The following IFNG-AS1 variants were observed in gnomAD, a reference collection of about 807,000 sequenced individuals.
IFNG-AS1 encodes the protein IFNG regulatory antisense RNA 1.
rs191695756 is a variant in IFNG-AS1 at position 68,018,185 on chromosome 12, C to T, written n.242-1677C>T. ...TGGATTCTTCCACCATAGAATTTAC[C>T]ACATGGGTTAGAGTTATTTATTTAT... On this transcript the variant is annotated intron_variant and non_coding_transcript_variant, in intron 3 of 5. Coordinates refer to ENST00000536914, the Ensembl canonical transcript of IFNG-AS1. Among the ~76,000 whole-genome samples the T allele has an allele frequency of 2.4e-3, 370 of 152,178 alleles. 2 individuals carry two copies. The highest frequency in any genetic ancestry group is 8.2e-3 in the Admixed American group (125 of 15,278).
chr12:68,019,503 G>A (rs956117483), intron 3 of IFNG-AS1, among the ~76,000 whole-genome samples: 2 of 152,122 alleles, frequency 1.3e-5, no homozygotes, highest in South Asian at 2.1e-4. Flanking sequence ...GGAGCACAGC[G>A]TCTGGCTTTC....
At chr12:68,016,028 T>C (rs1880149102) in intron 3 of IFNG-AS1, among the ~76,000 whole-genome samples, 2 of 152,154 alleles carry the variant, frequency 1.3e-5, no homozygotes, top group South Asian at 4.1e-4. Flanking sequence ...TAGTAAAAGT[T>C]CTTGAAAGAG....
At chr12:68,000,525 A>T (rs1879743511) in intron 2 of IFNG-AS1, among the ~76,000 whole-genome samples, 1 of 152,026 alleles carries the variant, frequency 6.6e-6, no homozygotes, top group African/African-American at 2.4e-5. Context: ...ATAAAAAACT[A>T]ACCAGGCATC....
At chr12:68,004,168 G>C (rs529730059) in intron 2 of IFNG-AS1, among the ~76,000 whole-genome samples, 1 of 152,092 alleles carries the variant, frequency 6.6e-6, no homozygotes, top group African/African-American at 2.4e-5. Flanking sequence ...CAGCTTCTCT[G>C]TTTTCTGTCA....
At chr12:67,995,401 C>T (rs1298717379) in intron 1 of IFNG-AS1, among the ~76,000 whole-genome samples, 2 of 110,354 alleles carry the variant, frequency 1.8e-5, no homozygotes, top group African/African-American at 7.1e-5. Context: ...AGCCTGGTGA[C>T]AGAGTGAGAC....
At chr12:68,017,130 A>C (rs950303342) in intron 3 of IFNG-AS1, among the ~76,000 whole-genome samples, 1 of 152,202 alleles carries the variant, frequency 6.6e-6, no homozygotes, top group Non-Finnish European at 1.5e-5. Flanking sequence ...AGTCTTTCAC[A>C]CAGAAGGAAC....
chr12:68,014,135 G>A (rs1266784577), intron 3 of IFNG-AS1, among the ~76,000 whole-genome samples: 1 of 152,118 alleles, frequency 6.6e-6, no homozygotes, highest in Non-Finnish European at 1.5e-5. Flanking sequence ...CCTTTTTATG[G>A]CTAAGTAGTT....
rs1879774380 is a variant in IFNG-AS1 at position 68,001,736 on chromosome 12, TTC to T, written n.185-4350_185-4349del. ...AAACAATGTCCACTTGCTCGTGAGA[TTC>T]TCTGATTTCATGGTTTGAAATCTCT... On this transcript the variant is annotated intron_variant and non_coding_transcript_variant, in intron 2 of 5. Transcript: ENST00000536914. Among the ~76,000 whole-genome samples the T allele has an allele frequency of 2.6e-5, 4 of 152,188 alleles. 1 individual carries two copies. Among genetic ancestry groups the T allele is most frequent in the South Asian group, 4.1e-4 (2 of 4,830 alleles).
intron 3 of IFNG-AS1, among the ~76,000 whole-genome samples, chr12:68,009,866 G>C (rs1488440649): frequency 6.6e-6 from 1 of 152,136 alleles, no homozygotes; most frequent in Non-Finnish European, 1.5e-5. Flanking sequence ...AGAATTCAGT[G>C]CTGCAGTATT....
In IFNG-AS1 at chr12:68,018,995, C is replaced by T. The variant is rs1450101326; in HGVS notation, n.242-867C>T. On this transcript the variant is annotated intron_variant and non_coding_transcript_variant, in intron 3 of 5. Transcript: ENST00000536914. ...CTCATACTAATTCTTGTGGAGCCTTCAACCTCCATAAAGTGTGCAGGAGGT... is the reference window on the plus strand; with the variant it reads ...CTCATACTAATTCTTGTGGAGCCTTTAACCTCCATAAAGTGTGCAGGAGGT... Among the ~76,000 whole-genome samples, 6 of 152,040 alleles carry T rather than the reference C, an allele frequency of 3.9e-5. No homozygotes were observed. The East Asian group carries it at 7.7e-4, about 20-fold the overall frequency.
intron 2 of IFNG-AS1, among the ~76,000 whole-genome samples, chr12:68,000,127 G>A (rs1879734281): frequency 6.6e-6 from 1 of 152,148 alleles, no homozygotes; most frequent in South Asian, 2.1e-4. Flanking sequence ...TTAGTTTCTT[G>A]ATTTTGAAAA....
intron 1 of IFNG-AS1, among the ~76,000 whole-genome samples, chr12:67,994,087 T>C (rs1879578712): frequency 6.6e-6 from 1 of 152,162 alleles, no homozygotes; most frequent in Non-Finnish European, 1.5e-5. Flanking sequence ...CTTCCAAGCA[T>C]TGGGAGGCAT....
chr12:68,012,417 G>A (rs1368591909), intron 3 of IFNG-AS1, among the ~76,000 whole-genome samples: 2 of 152,150 alleles, frequency 1.3e-5, no homozygotes, highest in African/African-American at 4.8e-5. Context: ...ATGCAGCTGT[G>A]TTAGCCTCAA....
chr12:67,999,095 AGATAGAT>A (rs1879707520), intron 2 of IFNG-AS1, among the ~76,000 whole-genome samples: 1 of 151,956 alleles, frequency 6.6e-6, no homozygotes, highest in Non-Finnish European at 1.5e-5. Flanking sequence ...TGATGGTGAT[AGATAGAT>A]GATAGATAAT....
At position 67,990,007 on chromosome 12, in the gene IFNG-AS1, G is replaced by T. The variant is rs372436199; in HGVS notation, n.51+428G>T. The stretch of plus-strand genomic sequence containing the variant: ...TTGGGAAGAAAATGCCATGGGCGCC[G>T]TACTCAGTTTTAAAATGAATTCAGA... On this transcript the variant is annotated intron_variant and non_coding_transcript_variant, in intron 1 of 5. Transcript: ENST00000536914. Among the ~76,000 whole-genome samples, 151 of 152,262 alleles carry T rather than the reference G, an allele frequency of 9.9e-4. 1 individual carries two copies. The South Asian group carries it at 0.03, about 30-fold the overall frequency.
intron 3 of IFNG-AS1, among the ~76,000 whole-genome samples, chr12:68,017,184 C>T (rs1256523919): frequency 6.6e-6 from 1 of 152,124 alleles, no homozygotes; most frequent in Admixed American, 6.6e-5. Flanking sequence ...GAGCTTGTCA[C>T]ATTGGAGGAA....
intron 2 of IFNG-AS1, among the ~76,000 whole-genome samples, chr12:67,998,827 C>T (rs2120427763): frequency 1.3e-5 from 2 of 152,180 alleles, no homozygotes; most frequent in South Asian, 4.2e-4. Context: ...ATATTATATA[C>T]TCTAAGACCA....
At chr12:68,018,579 C>A (rs1028693303) in intron 3 of IFNG-AS1, among the ~76,000 whole-genome samples, 2 of 151,944 alleles carry the variant, frequency 1.3e-5, no homozygotes, top group Non-Finnish European at 2.9e-5. Flanking sequence ...CAATGTGGGG[C>A]CCATGCCTTT....
chr12:67,998,687 A>G (rs901578238), intron 2 of IFNG-AS1, among the ~76,000 whole-genome samples: 14 of 152,154 alleles, frequency 9.2e-5, no homozygotes, highest in African/African-American at 2.9e-4. Flanking sequence ...AAAATTCAAT[A>G]CAAACAATAA....
Sources: allele counts gnomAD v4.1 joint callset (sites outside exome capture counted in the v4.1 genomes callset), GRCh38; gene constraint gnomAD v4.1.1; transcripts MANE v1.5; gene names NCBI Gene and HGNC (gene_info 2026-07-23, HGNC 2026-07-21).